The following BCAS3 variants were observed in gnomAD, a reference collection of about 807,000 sequenced individuals.
The protein encoded by BCAS3 is BCAS3 microtubule associated cell migration factor.
A neutral mutation model predicts 116.1 loss-of-function variants in BCAS3; 53 were observed. The observed-to-expected ratio is 0.46, with a 90% confidence interval of 0.37 to 0.57. The LOEUF is 0.57. Ranked by LOEUF, BCAS3 falls within the 20% of genes least tolerant of loss-of-function variation. The pLI is 0.00. For synonymous variants in BCAS3, 391 were observed against 408.2 expected (o/e 0.96, Z 0.51); for missense variants, 917 against 1,165.4 (o/e 0.79, Z 3.10).
At chr17:61,006,917 A>G (rs7222834) in intron 15 of BCAS3, among the ~76,000 whole-genome samples, 7,952 of 152,110 alleles carry the variant, frequency 0.052, 738 homozygotes, top group African/African-American at 0.18. Context: ...AGGAGTGTCA[A>G]ACTACAATCC....
chr17:60,818,362 G>T (rs1037244229), intron 7 of BCAS3, among the ~76,000 whole-genome samples: 1 of 152,188 alleles, frequency 6.6e-6, no homozygotes, highest in Non-Finnish European at 1.5e-5. Flanking sequence ...ATTAGGTGGA[G>T]GTGAAGCGCA....
intron 22 of BCAS3, among the ~76,000 whole-genome samples, chr17:61,121,817 G>A (rs1205119534): frequency 2.0e-5 from 3 of 152,120 alleles, no homozygotes; most frequent in South Asian, 2.1e-4. Context: ...TGCAATTTCC[G>A]CCTCCCGGGT....
At chr17:61,345,158 T>C (rs957549548) in intron 22 of BCAS3, among the ~76,000 whole-genome samples, 1 of 152,124 alleles carries the variant, frequency 6.6e-6, no homozygotes, top group African/African-American at 2.4e-5. Context: ...CTCCAGAATG[T>C]ATTCAGAGGG....
At chr17:61,101,876 C>A (rs1387154701) in intron 22 of BCAS3, among the ~76,000 whole-genome samples, 2 of 152,086 alleles carry the variant, frequency 1.3e-5, no homozygotes. Context: ...CTTTAACTGG[C>A]CCATTTTTGG....
intron 11 of BCAS3, 31 bp from the exon 12 acceptor site, chr17:60,910,501 G>T: frequency 6.6e-7 from 1 of 1,523,868 alleles, no homozygotes; most frequent in Admixed American, 2.1e-5. Context: ...ATACTGATGT[G>T]AAGTCATACA....
At chr17:60,821,120 T>A (rs1055343684) in intron 7 of BCAS3, among the ~76,000 whole-genome samples, 1 of 152,060 alleles carries the variant, frequency 6.6e-6, no homozygotes, top group South Asian at 2.1e-4. Context: ...CTAATATTTG[T>A]ATTTTTAGTA....
chr17:61,138,136 C>T (rs981479701), intron 22 of BCAS3, among the ~76,000 whole-genome samples: 1 of 152,084 alleles, frequency 6.6e-6, no homozygotes, highest in African/African-American at 2.4e-5. Flanking sequence ...TCTGTGCTGT[C>T]CAATATAATA....
At chr17:60,683,021 C>T (rs1349083523) in intron 2 of BCAS3, among the ~76,000 whole-genome samples, 1 of 152,114 alleles carries the variant, frequency 6.6e-6, no homozygotes, top group Non-Finnish European at 1.5e-5. Context: ...AACTCCACCT[C>T]AGCTTCCTAA....
chr17:61,193,112 A>C (rs1880938778), intron 22 of BCAS3, among the ~76,000 whole-genome samples: 1 of 152,092 alleles, frequency 6.6e-6, no homozygotes, highest in Admixed American at 6.5e-5. Flanking sequence ...AAATACAAAA[A>C]TTAGCTGGGT....
rs1257691230 is a variant in BCAS3 at position 61,015,767 on chromosome 17, A to G, written c.1503A>G (p.Gln501=). The G allele has an allele frequency of 1.9e-6, 3 of 1,613,952 alleles. No individual in the cohort carries two copies. Among genetic ancestry groups the G allele is most frequent in the Non-Finnish European group, 2.5e-6 (3 of 1,179,910 alleles). The change falls in exon 16 of 24, where the codon CAA becomes CAG. Residue 501 remains glutamine, a synonymous_variant. Coordinates refer to ENST00000407086, the MANE Select transcript of BCAS3 (RefSeq NM_017679.5). ...TCTTTGTAGGGAAACTGAACAGCCA[A>G]GACTCCTATAACAATTTTACCAACA... ...GSPLHGKLNS[Q]DSYNNFTNNN...
At chr17:61,152,882 A>G (rs1004409086) in intron 22 of BCAS3, among the ~76,000 whole-genome samples, 11 of 152,150 alleles carry the variant, frequency 7.2e-5, no homozygotes, top group African/African-American at 2.7e-4. Flanking sequence ...ATTTTTCTGT[A>G]AGGGAATCCC....
At position 61,362,674 on chromosome 17, in the gene BCAS3, T is replaced by C. The variant is rs1304715072; in HGVS notation, c.2426-5653T>C. On this transcript the variant is annotated intron_variant, in intron 22 of 23. Transcript: ENST00000407086. The surrounding 1 kb of genome is among the most constrained non-coding windows in gnomAD (Gnocchi z 4.4). ...ACCCAAGAACCTGACCCATTTCTCC[T>C]CTGGGGAAAGAGTATAACACAGGAT... The C allele has an allele frequency of 6.6e-6, 1 of 152,188 alleles. No individual in the cohort carries two copies. The highest frequency in any genetic ancestry group is 2.4e-5 in the African/African-American group (1 of 41,446). The allele number at this position is 152,188 out of a possible 1,614,324, so 9.4% of individuals were successfully genotyped here.
chr17:61,019,705 T>C lies in BCAS3; in HGVS notation c.1637+3804T>C, dbSNP rs933127632. 4.6e-5 allele frequency among the ~76,000 whole-genome samples: 7 copies of C among 152,168 alleles called. No individual in the cohort carries two copies. Among genetic ancestry groups the C allele is most frequent in the Admixed American group, 2.0e-4 (3 of 15,280 alleles). On this transcript the variant is annotated intron_variant, in intron 16 of 23. Coordinates refer to ENST00000407086, the MANE Select transcript of BCAS3 (RefSeq NM_017679.5). This position sits in a 1 kb window ranked among gnomAD's most constrained non-coding sequence, Gnocchi z 5.6. ...TTATTTTATTAAATTTTTTTTACTA[T>C]GACAAATTCTTAAGACTGGAGTTAG...
intron 22 of BCAS3, among the ~76,000 whole-genome samples, chr17:61,312,794 C>CA (rs1467972135): frequency 6.6e-6 from 1 of 152,174 alleles, no homozygotes; most frequent in Non-Finnish European, 1.5e-5. Flanking sequence ...ATCTGATTGT[C>CA]AGAGCGTGAG....
chr17:61,069,981 G>A (rs1167024734), intron 19 of BCAS3: 2 of 1,586,816 alleles, frequency 1.3e-6, no homozygotes, highest in African/African-American at 2.7e-5. Flanking sequence ...GCCACAAAAA[G>A]AAGAAGATCC....
At chr17:60,947,086 T>C in intron 13 of BCAS3, 133 bp from the exon 14 acceptor site, 1 of 871,220 alleles carries the variant, frequency 1.1e-6, no homozygotes, top group Middle Eastern at 2.4e-4. Flanking sequence ...TTTTTTTCTT[T>C]TGTAAAGTTT....
At chr17:60,726,196 G>T (rs1034849142) in intron 5 of BCAS3, among the ~76,000 whole-genome samples, 79 of 146,636 alleles carry the variant, frequency 5.4e-4, no homozygotes, top group Admixed American at 1.4e-4. Context: ...CTCCCGGCCA[G>T]AGGGAGGATT....
chr17:61,065,151 A>G lies in BCAS3; in HGVS notation c.2030-9769A>G, dbSNP rs2070477282. The stretch of plus-strand genomic sequence containing the variant: ...TGATATGTATGCAATGATAACTTGA[A>G]TCATTAAATCTCCAATTACTACGAT... On this transcript the variant is annotated intron_variant, in intron 19 of 23. Coordinates refer to ENST00000407086, the MANE Select transcript of BCAS3 (RefSeq NM_017679.5). The surrounding 1 kb of genome is among the most constrained non-coding windows in gnomAD (Gnocchi z 4.8). Among the ~76,000 whole-genome samples, 1 of 152,180 alleles carries G rather than the reference A, an allele frequency of 6.6e-6. No homozygotes were observed. Among genetic ancestry groups the G allele is most frequent in the Admixed American group, 6.5e-5 (1 of 15,268 alleles).
chr17:60,902,597 T>G (rs2057967489), intron 10 of BCAS3, 23 bp from the exon 11 acceptor site: 1 of 1,551,466 alleles, frequency 6.4e-7, no homozygotes, highest in Non-Finnish European at 8.9e-7. Flanking sequence ...GACGTTCTGC[T>G]TCTCTCTCTC....
Sources: gnomAD v4.1 joint callset for allele counts (sites outside exome capture counted in the v4.1 genomes callset) on GRCh38, gnomAD v4.1.1 for gene constraint, Gnocchi (gnomAD v3.1) non-coding constraint, MANE v1.5 for transcripts, NCBI Gene and HGNC (gene_info 2026-07-23, HGNC 2026-07-21) for gene names.